USP50: variants seen among roughly 807,000 people sequenced by gnomAD.
USP50 encodes the protein ubiquitin carboxyl-terminal hydrolase 50.
In USP50, 37 loss-of-function variants were observed where a neutral mutation model predicts 39.2. The ratio of observed to expected loss-of-function variants is 0.94; its 90% CI spans 0.73 to 1.24. USP50 has a LOEUF of 1.24. USP50 is among the 50% of genes most tolerant of loss of function. The pLI is 0.00. For missense variants in USP50, 374 were observed against 398.2 expected, an observed-to-expected ratio of 0.94 and a Z score of 0.52; for synonymous variants, 139 against 144.5, an observed-to-expected ratio of 0.96 and a Z score of 0.27.
chr15:50,519,160 C>T (rs2052827563), intron 6 of USP50, among the ~76,000 whole-genome samples: 1 of 151,910 alleles, frequency 6.6e-6, no homozygotes, highest in Non-Finnish European at 1.5e-5. Flanking sequence ...GGTGGCACAC[C>T]CCTGTAGTCC....
At chr15:50,526,723 C>G (rs2141368539) in intron 6 of USP50, among the ~76,000 whole-genome samples, 1 of 152,288 alleles carries the variant, frequency 6.6e-6, no homozygotes, top group South Asian at 2.1e-4. Context: ...AGAGGCAGCA[C>G]AATGTCAGAG....
At chr15:50,495,304 GTGTATATATAC>G (rs2052345749) in intron 1 of USP50, among the ~76,000 whole-genome samples, 2 of 55,214 alleles carry the variant, frequency 3.6e-5, no homozygotes, top group Admixed American at 2.2e-4. Flanking sequence ...ACATATATAC[GTGTATATATAC>G]ATACATATAT....
At chr15:50,542,481 A>ATTTTTTTTTTTTTTT in intron 3 of USP50, among the ~76,000 whole-genome samples, 1 of 97,396 alleles carries the variant, frequency 1.0e-5, no homozygotes, top group Non-Finnish European at 1.9e-5. Context: ...TTTCCTTTTC[A>ATTTTTTTTTTTTTTT]TTTTTTTTTT....
At chr15:50,504,328 C>G (rs1364081632) in intron 6 of USP50, 1 of 152,188 alleles carries the variant, frequency 6.6e-6, no homozygotes, top group Admixed American at 6.6e-5. Context: ...GAGTTGTAGA[C>G]CAGCCTGGGC....
At chr15:50,508,208 A>T (rs1421376179) in intron 6 of USP50, 5 of 152,180 alleles carry the variant, frequency 3.3e-5, no homozygotes, top group African/African-American at 1.2e-4. Context: ...ACTTCTAAGT[A>T]ACTTTATAAA....
intron 5 of USP50, among the ~76,000 whole-genome samples, chr15:50,536,524 C>T (rs1238943742): frequency 6.6e-6 from 1 of 151,944 alleles, no homozygotes; most frequent in Non-Finnish European, 1.5e-5. Context: ...GCCTATAATC[C>T]CAGCTACTCA....
chr15:50,538,543 G>T (rs1456814146), intron 5 of USP50, among the ~76,000 whole-genome samples, 166 bp downstream of exon 5: 1 of 152,090 alleles, frequency 6.6e-6, no homozygotes, highest in Non-Finnish European at 1.5e-5. Flanking sequence ...AAATGGCACA[G>T]TTTTGTGTTA....
At position 50,537,624 on chromosome 15, in the gene USP50, C is replaced by G. The variant is rs375860715; in HGVS notation, c.803+1085G>C. ...CTATAATCCAAGCACTTTGGGAGAC[C>G]GAGGTGGGCAGATCGCCTGAGCTCA... On this transcript the variant is annotated intron_variant, in intron 5 of 6. Coordinates refer to ENST00000532404, the MANE Select transcript of USP50 (RefSeq NM_203494.5). Among the ~76,000 whole-genome samples the G allele has an allele frequency of 5.4e-4, 81 of 151,390 alleles. 3 individuals carry two copies. The South Asian group carries it at 0.012, about 22-fold the overall frequency.
chr15:50,531,541 G>C (rs1377218785), intron 5 of USP50, among the ~76,000 whole-genome samples: 4 of 152,192 alleles, frequency 2.6e-5, no homozygotes, highest in African/African-American at 9.7e-5. Context: ...TTAGGGAGGA[G>C]AATGATTAGA....
At chr15:50,500,997 A>G (rs1334871551) in intron 6 of USP50, 160 bp from the exon 7 acceptor site, 3 of 598,822 alleles carry the variant, frequency 5.0e-6, no homozygotes, top group Non-Finnish European at 8.9e-6. Flanking sequence ...CCTGACTGCT[A>G]TATTGCTTCT....
At chr15:50,528,778 A>G (rs910189854) in intron 6 of USP50, among the ~76,000 whole-genome samples, 2 of 152,234 alleles carry the variant, frequency 1.3e-5, no homozygotes, top group Non-Finnish European at 2.9e-5. Flanking sequence ...AATGAGGAAG[A>G]CCAGTGGGAT....
Position 50,500,647 on chromosome 15 carries a change from C to T in USP50, c.*122G>A. ...TGCAGTGTTCAGGAAACACCATTTTCCTGGCTCTTAACGCTTTTGTATTGG... is the reference window on the plus strand; with the variant it reads ...TGCAGTGTTCAGGAAACACCATTTTTCTGGCTCTTAACGCTTTTGTATTGG... On this transcript the variant is annotated 3_prime_UTR_variant, in exon 7 of 7. Coordinates refer to ENST00000532404, the MANE Select transcript of USP50 (RefSeq NM_203494.5). The T allele has an allele frequency of 2.2e-6, 2 of 912,680 alleles. No homozygotes were observed. Among genetic ancestry groups the T allele is most frequent in the Non-Finnish European group, 3.4e-6 (2 of 588,598 alleles). 56.5% of individuals were successfully genotyped at this position (912,680 alleles called of 1,614,324 possible).
intron 3 of USP50, among the ~76,000 whole-genome samples, chr15:50,542,527 C>G (rs886300994): frequency 8.4e-6 from 1 of 118,414 alleles, no homozygotes; most frequent in Admixed American, 1.2e-4. Context: ...CTTGCTCTGT[C>G]GTCCAGGCTG....
intron 6 of USP50, among the ~76,000 whole-genome samples, chr15:50,524,332 G>T (rs2052872058): frequency 6.6e-6 from 1 of 152,160 alleles, no homozygotes; most frequent in African/African-American, 2.4e-5. Context: ...AAAGGGAAGA[G>T]ATAACACAAA....
chr15:50,545,187 A>G (rs991162104), intron 1 of USP50, among the ~76,000 whole-genome samples: 11 of 152,218 alleles, frequency 7.2e-5, no homozygotes, highest in Non-Finnish European at 1.2e-4. Flanking sequence ...CTAAAGCAAG[A>G]CAACTGACAA....
chr15:50,494,369 G>C, intron 1 of USP50: 1 of 1,140,902 alleles, frequency 8.8e-7, no homozygotes, highest in Non-Finnish European at 1.2e-6. Flanking sequence ...ATTCTAGTTG[G>C]TGATAGTTCA....
chr15:50,540,264 T>A (rs984387948), intron 4 of USP50, among the ~76,000 whole-genome samples: 1 of 152,034 alleles, frequency 6.6e-6, no homozygotes, highest in Non-Finnish European at 1.5e-5. Flanking sequence ...GTGAAGAAAA[T>A]TTGAGAGGTA....
intron 6 of USP50, among the ~76,000 whole-genome samples, chr15:50,525,510 A>ATATATATG (rs2052881748): frequency 1.6e-5 from 2 of 126,342 alleles, no homozygotes; most frequent in Non-Finnish European, 3.3e-5. Context: ...ATGTGTGTGT[A>ATATATATG]TATATATGTA....
At chr15:50,522,899 C>T (rs751242816) in intron 6 of USP50, among the ~76,000 whole-genome samples, 9 of 152,156 alleles carry the variant, frequency 5.9e-5, no homozygotes, top group Admixed American at 1.3e-4. Flanking sequence ...CCACTTGCCT[C>T]GGCCTCCCAA....
Sources: gnomAD v4.1 joint callset for allele counts (sites outside exome capture counted in the v4.1 genomes callset) on GRCh38, gnomAD v4.1.1 for gene constraint, MANE v1.5 for transcripts, NCBI Gene and HGNC (gene_info 2026-07-23, HGNC 2026-07-21) for gene names.